DOCK2: variants seen among roughly 807,000 people sequenced by gnomAD.
DOCK2 encodes the protein dedicator of cytokinesis 2, also known as dedicator of cytokinesis protein 2.
DOCK2 carries 87 observed loss-of-function variants against 248.9 expected under a neutral mutation model. The observed-to-expected ratio is 0.35, with a 90% confidence interval of 0.29 to 0.42. The LOEUF is 0.42. DOCK2 is among the 10% of genes least tolerant of loss of function. The pLI, the probability that DOCK2 is intolerant of heterozygous loss-of-function variation, is 1.00. For missense variants in DOCK2, 1,747 were observed against 2,300.2 expected (o/e 0.76, Z 4.92); for synonymous variants, 805 against 821.6 (o/e 0.98, Z 0.35).
intron 25 of DOCK2, among the ~76,000 whole-genome samples, chr5:169,769,435 C>T (rs1471620420): frequency 6.6e-6 from 1 of 152,200 alleles, no homozygotes; most frequent in Non-Finnish European, 1.5e-5. Flanking sequence ...AGTCTGTCCT[C>T]ATCTCTGTCC....
chr5:169,708,694 A>G (rs1761416910), intron 15 of DOCK2, among the ~76,000 whole-genome samples: 1 of 151,782 alleles, frequency 6.6e-6, no homozygotes, highest in Non-Finnish European at 1.5e-5. Flanking sequence ...CCCCCTGAGT[A>G]GTTGGGATTA....
chr5:170,029,230 T>C (rs1375942717), intron 34 of DOCK2, among the ~76,000 whole-genome samples: 1 of 152,220 alleles, frequency 6.6e-6, no homozygotes, highest in East Asian at 1.9e-4. Context: ...TACATTCTTG[T>C]TAACACTTGT....
At chr5:169,724,929 G>A (rs1762396633) in intron 22 of DOCK2, among the ~76,000 whole-genome samples, 1 of 152,176 alleles carries the variant, frequency 6.6e-6, no homozygotes, top group Non-Finnish European at 1.5e-5. Context: ...CTCAGGGCAA[G>A]TCAGTGTAGC....
At chr5:169,827,600 A>G (rs1175977085) in intron 26 of DOCK2, among the ~76,000 whole-genome samples, 2 of 152,168 alleles carry the variant, frequency 1.3e-5, no homozygotes, top group Non-Finnish European at 2.9e-5. Flanking sequence ...TGTGTTACAG[A>G]AACTGGAAAA....
chr5:169,997,980 TC>T (rs370538810), intron 30 of DOCK2: 5 of 456,226 alleles, frequency 1.1e-5, no homozygotes, highest in African/African-American at 1.0e-4. Flanking sequence ...ATAGGGTTTT[TC>T]CAGAACTGGA....
At chr5:169,844,501 C>A (rs1466120535) in intron 27 of DOCK2, among the ~76,000 whole-genome samples, 1 of 152,204 alleles carries the variant, frequency 6.6e-6, no homozygotes, top group Admixed American at 6.5e-5. Context: ...CCTTTAAAGA[C>A]AAGCAGCGGA....
intron 26 of DOCK2, among the ~76,000 whole-genome samples, chr5:169,804,940 G>A (rs764339128): frequency 6.6e-6 from 1 of 152,156 alleles, no homozygotes; most frequent in Non-Finnish European, 1.5e-5. Flanking sequence ...GTTTCTATAA[G>A]GACATTCAGT....
chr5:170,065,339 G>A (rs749145123), intron 44 of DOCK2, among the ~76,000 whole-genome samples: 20 of 152,104 alleles, frequency 1.3e-4, no homozygotes, highest in Non-Finnish European at 2.6e-4. Context: ...AGGAAAAAAA[G>A]AACAAAGGAT....
At chr5:170,013,755 C>T (rs1755400568) in intron 32 of DOCK2, among the ~76,000 whole-genome samples, 3 of 152,102 alleles carry the variant, frequency 2.0e-5, no homozygotes, top group Non-Finnish European at 4.4e-5. Context: ...TTTTAATTTA[C>T]TAAGTTTGTG....
intron 27 of DOCK2, among the ~76,000 whole-genome samples, chr5:169,855,403 G>A (rs914801961): frequency 1.3e-5 from 2 of 152,210 alleles, no homozygotes; most frequent in African/African-American, 4.8e-5. Context: ...TTTTTGGAAA[G>A]TGGCAAGGAG....
At chr5:169,656,190 A>G (rs1348285049) in intron 2 of DOCK2, among the ~76,000 whole-genome samples, 1 of 152,214 alleles carries the variant, frequency 6.6e-6, no homozygotes, top group Non-Finnish European at 1.5e-5. Flanking sequence ...TAAAAACAGC[A>G]GCAACTCTCC....
chr5:170,075,790 C>G, intron 46 of DOCK2, 157 bp from the exon 47 acceptor site: 3 of 942,860 alleles, frequency 3.2e-6, no homozygotes, highest in Middle Eastern at 3.6e-4. Context: ...TCCCCATTTC[C>G]CATGGCTGGG....
chr5:170,040,965 C>A, intron 36 of DOCK2, 90 bp from the exon 37 acceptor site: 2 of 1,161,612 alleles, frequency 1.7e-6, no homozygotes, highest in Non-Finnish European at 2.6e-6. Flanking sequence ...CAGAGAGGTG[C>A]CCAGTTGTTC....
Position 169,827,867 on chromosome 5 carries a change from A to AACAC in DOCK2, c.2704-12874_2704-12871dup, listed in dbSNP as rs143420412. ...TTGGTGACAATTAGAAAACATTAAA[A>AACAC]ACACACACACACACACACATGGTTT... On this transcript the variant is annotated intron_variant, in intron 26 of 51. Transcript: ENST00000520908. Among the ~76,000 whole-genome samples the AACAC allele has an allele frequency of 2.1e-3, 310 of 150,566 alleles. 1 individual carries two copies. Among genetic ancestry groups the AACAC allele is most frequent in the Admixed American group, 3.8e-3 (58 of 15,132 alleles).
intron 8 of DOCK2, 93 bp from the exon 9 acceptor site, chr5:169,689,159 G>A (rs1202164413): frequency 9.2e-6 from 11 of 1,192,738 alleles, no homozygotes; most frequent in Admixed American, 1.8e-5. Flanking sequence ...AGCCAGTATG[G>A]TGTTGGGCAC....
At chr5:169,765,850 C>T (rs966887845) in intron 25 of DOCK2, among the ~76,000 whole-genome samples, 6 of 152,160 alleles carry the variant, frequency 3.9e-5, no homozygotes, top group Admixed American at 6.5e-5. Flanking sequence ...CATCCAGTTT[C>T]CCTTTTATTA....
At chr5:169,856,198 G>A (rs921105399) in intron 27 of DOCK2, among the ~76,000 whole-genome samples, 14 of 152,266 alleles carry the variant, frequency 9.2e-5, no homozygotes, top group Admixed American at 7.8e-4. Context: ...AACCATATCA[G>A]AATACAAGAA....
At chr5:170,057,847 T>A (rs75630042) in intron 44 of DOCK2, among the ~76,000 whole-genome samples, 181 bp downstream of exon 44, 1 of 150,090 alleles carries the variant, frequency 6.7e-6, no homozygotes, top group African/African-American at 2.5e-5. Flanking sequence ...TTTTTTTTTT[T>A]AAGCATCAGA....
chr5:169,646,133 G>A (rs183505762), intron 1 of DOCK2, among the ~76,000 whole-genome samples: 7 of 152,284 alleles, frequency 4.6e-5, no homozygotes, highest in East Asian at 1.9e-4. Flanking sequence ...TATAAGGAAG[G>A]GGTCCAGTTT....
Sources: allele counts gnomAD v4.1 joint callset (sites outside exome capture counted in the v4.1 genomes callset), GRCh38; gene constraint gnomAD v4.1.1; transcripts MANE v1.5; gene names NCBI Gene and HGNC (gene_info 2026-07-23, HGNC 2026-07-21).